Variants in MSH3 observed in about 807,000 individuals in gnomAD.
MSH3 encodes DNA mismatch repair protein Msh3.
Under a neutral mutation model 123.3 loss-of-function variants are expected in MSH3, and 106 were observed. The observed-to-expected ratio is 0.86, with a 90% confidence interval of 0.73 to 1.01. MSH3 has a LOEUF of 1.01. Ranked by LOEUF, MSH3 falls within the 50% of genes least tolerant of loss-of-function variation. MSH3 has a pLI of 0.00. For synonymous variants in MSH3, 515 were observed against 481.4 expected (o/e 1.07, Z -0.91); for missense variants, 1,459 against 1,347.6 (o/e 1.08, Z -1.29).
chr5:80,774,406 CA>C (rs201125276), intron 15 of MSH3, among the ~76,000 whole-genome samples: 18,588 of 121,694 alleles, frequency 0.15, 1,455 homozygotes, highest in East Asian at 0.36. Flanking sequence ...GGAGGTCCCT[CA>C]AAAAAAAAAA....
chr5:80,800,971 T>C (rs1580057843), intron 19 of MSH3, among the ~76,000 whole-genome samples: 1 of 151,406 alleles, frequency 6.6e-6, no homozygotes. Flanking sequence ...GTCCTGGGAG[T>C]TGATGTTTGA....
intron 6 of MSH3, 123 bp downstream of exon 6, chr5:80,672,981 A>G: frequency 3.9e-6 from 3 of 778,540 alleles, no homozygotes; most frequent in Non-Finnish European, 6.9e-6. Flanking sequence ...GCTGAGAGGC[A>G]TTAAGGTGAA....
intron 3 of MSH3, among the ~76,000 whole-genome samples, chr5:80,665,808 T>A (rs1265897684): frequency 6.6e-6 from 1 of 152,178 alleles, no homozygotes; most frequent in Non-Finnish European, 1.5e-5. Context: ...AACATGGGCT[T>A]TTTACTTTAT....
chr5:80,662,776 G>A (rs1631572), intron 2 of MSH3, among the ~76,000 whole-genome samples: 40,840 of 151,286 alleles, frequency 0.27, 5,722 homozygotes, highest in Middle Eastern at 0.35. Context: ...GCAGTGAGCC[G>A]AGATCGCGCC....
In MSH3 at chr5:80,866,006, A is replaced by G. The variant is rs6151924; in HGVS notation, c.3130+1064A>G. Among the ~76,000 whole-genome samples the G allele has an allele frequency of 3.9e-4, 59 of 152,374 alleles. No individual in the cohort carries two copies. In the South Asian group the frequency reaches 9.1e-3, roughly 24 times the overall value. On this transcript the variant is annotated intron_variant, in intron 22 of 23. Transcript: ENST00000265081. ...GGAGACTTAAGCTAAAACCCTTGGG[A>G]CAAAGAGAATAGAGTTCACCAACAG...
chr5:80,768,740 C>T, intron 14 of MSH3, 95 bp from the exon 15 acceptor site: 4 of 1,109,308 alleles, frequency 3.6e-6, no homozygotes, highest in Non-Finnish European at 5.3e-6. Context: ...TTCTGACTTC[C>T]AGTGCTTTCC....
chr5:80,763,007 T>C (rs1168824767), intron 13 of MSH3, among the ~76,000 whole-genome samples: 2 of 151,910 alleles, frequency 1.3e-5, no homozygotes, highest in Admixed American at 1.3e-4. Context: ...CCACTATGCC[T>C]GGCTAATTTT....
At chr5:80,666,254 G>A (rs946092307) in intron 3 of MSH3, among the ~76,000 whole-genome samples, 5 of 152,092 alleles carry the variant, frequency 3.3e-5, no homozygotes, top group African/African-American at 1.2e-4. Flanking sequence ...TTGAATTAGA[G>A]AAATGGTTCT....
Position 80,767,935 on chromosome 5 carries a change from T to C in MSH3, c.1899T>C (p.Cys633=), listed in dbSNP as rs2112884264. 1 of 1,604,534 alleles carries C rather than the reference T, an allele frequency of 6.2e-7. No individual in the cohort carries two copies. The highest frequency in any genetic ancestry group is 1.1e-5 in the South Asian group (1 of 90,844). Residue 633 remains cysteine (C), a splice_region_variant and synonymous_variant, in exon 14 of 24, where the codon TGT becomes TGC. Transcript: ENST00000265081. ...RGLCSIYHKK[C]STQEFFLIVK... ...ATAAAAAATATTTCTATTTTCAGTG[T>C]TCTACCCAAGAGTTCTTCTTGATTG... is the stretch of plus-strand genomic sequence containing the variant.
chr5:80,735,678 G>A (rs376239229), intron 10 of MSH3, among the ~76,000 whole-genome samples: 1 of 152,024 alleles, frequency 6.6e-6, no homozygotes, highest in Admixed American at 6.6e-5. Flanking sequence ...GCGACAGAGC[G>A]AGACTCCATC....
chr5:80,770,259 T>G (rs1374798590), intron 15 of MSH3, among the ~76,000 whole-genome samples: 1 of 147,524 alleles, frequency 6.8e-6, no homozygotes, highest in Non-Finnish European at 1.5e-5. Flanking sequence ...AGTGGCTGCC[T>G]TTTCTACTAC....
At chr5:80,767,206 T>C (rs1206347926) in intron 13 of MSH3, among the ~76,000 whole-genome samples, 3 of 132,670 alleles carry the variant, frequency 2.3e-5, no homozygotes, top group African/African-American at 7.6e-5. Context: ...CACACATATT[T>C]TTCACTATTT....
At chr5:80,819,836 C>T (rs768821523) in intron 20 of MSH3, among the ~76,000 whole-genome samples, 6 of 152,054 alleles carry the variant, frequency 3.9e-5, no homozygotes, top group South Asian at 2.1e-4. Context: ...TTATGCTAGA[C>T]GTTAGGGATA....
rs2112885093 is a variant in MSH3 at position 80,768,841 on chromosome 5, G to T, written c.2091G>T (p.Gly697=). The T allele has an allele frequency of 1.9e-6, 3 of 1,604,876 alleles. No individual in the cohort carries two copies. The highest frequency in any genetic ancestry group is 2.6e-6 in the Non-Finnish European group (3 of 1,172,940). Residue 697 remains glycine, a synonymous_variant, in exon 15 of 24, where the codon GGG becomes GGT. Coordinates refer to ENST00000265081, the MANE Select transcript of MSH3 (RefSeq NM_002439.5). The part of the protein sequence containing the change: ...KILNEQAAKV[G]DKTELFKDLS... ...GCATGTTTTGATTTTTTAGAGTTGG[G>T]GATAAAACTGAATTATTTAAAGACC... is the stretch of plus-strand genomic sequence containing the variant.
At chr5:80,676,750 T>A (rs1482532715) in intron 7 of MSH3, among the ~76,000 whole-genome samples, 1 of 152,236 alleles carries the variant, frequency 6.6e-6, no homozygotes, top group South Asian at 2.1e-4. Flanking sequence ...TGGACCTATA[T>A]ACAAATAGTA....
rs1744152400 is a variant in MSH3, at chr5:80,768,038, C to G, written c.2002C>G (p.Leu668Val). 1 of 1,613,780 alleles carries G rather than the reference C, an allele frequency of 6.2e-7. No homozygotes were observed. Among genetic ancestry groups the G allele is most frequent in the Non-Finnish European group, 8.5e-7 (1 of 1,179,756 alleles). ...AVNSHIQSDL[L>V]RTVILEIPEL... ...TAATTCCCACATTCAGTCAGACTTG[C>G]TCCGGACCGTTATTTTAGAAATTCC... Residue 668 changes from leucine (L) to valine (V), a missense_variant, in exon 14 of 24, where the codon CTC becomes GTC. Physicochemically the swap from Leu to Val is conservative, Grantham distance 32. Transcript: ENST00000265081.
rs537645493 is a variant in MSH3, at chr5:80,679,425, A to G, written c.1340+332A>G. ...TACTATCACCTTAATGTAGAACTTT[A>G]GAAGGCAGTCTTTTTGAAGAGGTTT... is the stretch of plus-strand genomic sequence containing the variant. On this transcript the variant is annotated intron_variant, in intron 8 of 23. Transcript: ENST00000265081. 6.6e-5 allele frequency among the ~76,000 whole-genome samples: 10 copies of G among 152,324 alleles called. No homozygotes were observed. The East Asian group carries it at 1.9e-3, about 29-fold the overall frequency.
chr5:80,752,903 A>G (rs1183337044), intron 12 of MSH3, among the ~76,000 whole-genome samples: 1 of 152,182 alleles, frequency 6.6e-6, no homozygotes, highest in African/African-American at 2.4e-5. Flanking sequence ...GATATCACTA[A>G]TTTAAATTTT....
intron 8 of MSH3, among the ~76,000 whole-genome samples, chr5:80,691,459 T>A (rs919947003): frequency 6.6e-6 from 1 of 151,254 alleles, no homozygotes; most frequent in Non-Finnish European, 1.5e-5. Flanking sequence ...ACTGGAAAGA[T>A]GCAACACGTT....
Sources: allele counts gnomAD v4.1 joint callset (sites outside exome capture counted in the v4.1 genomes callset), GRCh38; gene constraint gnomAD v4.1.1; transcripts MANE v1.5; gene names NCBI Gene and HGNC (gene_info 2026-07-23, HGNC 2026-07-21).